The following SMC3 variants were observed in gnomAD, a reference collection of about 807,000 sequenced individuals.
SMC3 encodes the protein structural maintenance of chromosomes protein 3.
In SMC3, 20 loss-of-function variants were observed where a neutral mutation model predicts 171.8. That is an observed-to-expected ratio of 0.12 (90% CI 0.08 to 0.17). The LOEUF (loss-of-function observed/expected upper bound fraction) is 0.17. Among genes scored for constraint, SMC3 ranks in the 10% least tolerant of loss-of-function variants. SMC3 has a pLI of 1.00. For synonymous variants in SMC3, 464 were observed against 451.1 expected, an observed-to-expected ratio of 1.03 and a Z score of -0.36; for missense variants, 543 against 1,420.4, an observed-to-expected ratio of 0.38 and a Z score of 9.93.
Position 110,590,508 on chromosome 10 carries a change from G to A in SMC3, c.1606G>A (p.Val536Ile), listed in dbSNP as rs1396859037. Residue 536 changes from valine to isoleucine, a missense_variant, in exon 16 of 29, where the codon GTA becomes ATA. Val to Ile is a conservative substitution (Grantham distance 29). Coordinates refer to ENST00000361804, the MANE Select transcript of SMC3 (RefSeq NM_005445.4). ...TGTTCAAAATGGCTATCATGGTATT[G>A]TAATGAATAACTTTGAATGTGAACC... ...QHVQNGYHGIVMNNFECEPAF... is the reference protein window; with the variant it reads ...QHVQNGYHGIIMNNFECEPAF... The A allele has an allele frequency of 1.9e-6, 3 of 1,614,038 alleles. No individual in the cohort carries two copies. The highest frequency in any genetic ancestry group is 2.5e-6 in the Non-Finnish European group (3 of 1,179,886).
chr10:110,590,931 G>C, intron 16 of SMC3, 60 bp from the exon 17 acceptor site: 1 of 1,512,680 alleles, frequency 6.6e-7, no homozygotes, highest in Non-Finnish European at 9.2e-7. Flanking sequence ...TGATAAGTTT[G>C]GGCAACATAG....
At chr10:110,573,674 G>A in intron 2 of SMC3, 33 bp from the exon 3 acceptor site, 1 of 1,480,512 alleles carries the variant, frequency 6.8e-7, no homozygotes, top group Non-Finnish European at 9.4e-7. Flanking sequence ...TGGTTTTTAT[G>A]TAAAATAACT....
rs767493014 is a variant in SMC3 at position 110,580,859 on chromosome 10, A to T, written c.430-45A>T. ...TTCAACGTGGAGTTCTTCTTCTTAA[A>T]CGGAGGCTACAGCTATGTAATGATT... On this transcript the variant is annotated intron_variant, in intron 7 of 28. Coordinates refer to ENST00000361804, the MANE Select transcript of SMC3 (RefSeq NM_005445.4). The T allele has an allele frequency of 4.9e-6, 5 of 1,020,348 alleles. No individual in the cohort carries two copies. In the Admixed American group the frequency reaches 6.8e-5, roughly 14 times the overall value. 63.2% of individuals were successfully genotyped at this position (1,020,348 alleles called of 1,614,324 possible). A position where few individuals can be genotyped will look rare whatever the true frequency, so the allele number is the denominator to read the frequency against.
chr10:110,587,573 C>T (rs574202378), intron 13 of SMC3, among the ~76,000 whole-genome samples: 1 of 152,026 alleles, frequency 6.6e-6, no homozygotes, highest in African/African-American at 2.4e-5. Context: ...GTAGTGCCAG[C>T]TACTCGGGGG....
At position 110,587,640 on chromosome 10, in the gene SMC3, T is replaced by G. The variant is rs578149735; in HGVS notation, c.1306-1965T>G. ...GGCAGAGCTTGCAGTGAGCCAAGAT[T>G]GCACCACTGCACTCCAGCCTGGACG... On this transcript the variant is annotated intron_variant, in intron 13 of 28. Coordinates refer to ENST00000361804, the MANE Select transcript of SMC3 (RefSeq NM_005445.4). 1.5e-4 allele frequency among the ~76,000 whole-genome samples: 22 copies of G among 150,012 alleles called. No homozygotes were observed. In the South Asian group the frequency reaches 2.1e-3, roughly 14 times the overall value.
At chr10:110,576,524 A>G (rs528882387) in intron 4 of SMC3, among the ~76,000 whole-genome samples, 1 of 152,356 alleles carries the variant, frequency 6.6e-6, no homozygotes, top group Admixed American at 6.5e-5. Context: ...AAAGACTACA[A>G]TAAAACGATT....
At chr10:110,592,256 T>TC (rs1247610809) in intron 17 of SMC3, among the ~76,000 whole-genome samples, 1 of 92,212 alleles carries the variant, frequency 1.1e-5, no homozygotes, top group African/African-American at 3.4e-5. Flanking sequence ...AGAGCAAGAC[T>TC]CCATCTCAAA....
intron 25 of SMC3, 39 bp downstream of exon 25, chr10:110,602,217 A>G (rs1170460193): frequency 6.5e-7 from 1 of 1,531,734 alleles, no homozygotes; most frequent in South Asian, 1.1e-5. Context: ...CACACAGAGG[A>G]CAAAAGCTTC....
intron 26 of SMC3, 60 bp downstream of exon 26, chr10:110,602,725 CT>C (rs1861405734): frequency 3.8e-6 from 6 of 1,574,402 alleles, no homozygotes; most frequent in Middle Eastern, 1.7e-4. Flanking sequence ...TTTATAGTAT[CT>C]TTTGCAAATC....
rs1861452770 is a variant in SMC3 at position 110,605,358 on chromosome 10, ACAGT to A, written c.*1059_*1062del. Among the ~76,000 whole-genome samples the A allele has an allele frequency of 6.6e-6, 1 of 152,066 alleles. No individual in the cohort carries two copies. The highest frequency in any genetic ancestry group is 1.5e-5 in the Non-Finnish European group (1 of 68,006). Reference sequence around the variant, plus strand: ...AGATTCTTTGAGATTTTCTACATAGACAGTCATGTCATTTGCAAGAAAGAGGCAG... The same window carrying A: ...AGATTCTTTGAGATTTTCTACATAGACATGTCATTTGCAAGAAAGAGGCAG... On this transcript the variant is annotated 3_prime_UTR_variant, in exon 29 of 29. Transcript: ENST00000361804.
rs764918891 is a variant in SMC3, at chr10:110,584,270, G to A, written c.1179G>A (p.Lys393=). The A allele has an allele frequency of 5.6e-6, 9 of 1,614,052 alleles. No homozygotes were observed. The highest frequency in any genetic ancestry group is 8.5e-7 in the Non-Finnish European group (1 of 1,179,906). ...TTACATCAAAAGAAGAAAGGGATAA[G>A]TGGATTAAAAAGGAACTCAAGTCTT... is the stretch of plus-strand genomic sequence containing the variant. ...SQFTSKEERD[K]WIKKELKSLD... is the part of the protein sequence containing the mutation. Residue 393 remains lysine (K), a synonymous_variant, in exon 13 of 29, where the codon AAG becomes AAA. Coordinates refer to ENST00000361804, the MANE Select transcript of SMC3 (RefSeq NM_005445.4).
Position 110,602,066 on chromosome 10 carries a change from A to G in SMC3, c.2993A>G (p.Glu998Gly). ...DQFVNFSEQKEKLIKRQEELD... is the reference protein window; with the variant it reads ...DQFVNFSEQKGKLIKRQEELD... ...TTTGTAAATTTCTCCGAGCAGAAAG[A>G]AAAGTTAATAAAGCGTCAAGAAGAG... The change falls in exon 25 of 29, where the codon GAA (glutamate) becomes GGA (glycine). Residue 998 changes from glutamate to glycine, a missense_variant. Coordinates refer to ENST00000361804, the MANE Select transcript of SMC3 (RefSeq NM_005445.4). 6.2e-7 allele frequency: 1 copy of G among 1,613,976 alleles called. No individual in the cohort carries two copies.
rs1336937617 is a variant in SMC3 at position 110,600,556 on chromosome 10, T to TG, written c.2535+11dup. On this transcript the variant is annotated intron_variant, in intron 22 of 28. Transcript: ENST00000361804. ...GGACCAAGTAGAACAGGTGTGTATG[T>TG]GTTTTTTTTTTTTTTTTTAAGGGCT... 1.4e-6 allele frequency: 2 copies of TG among 1,393,828 alleles called. No individual in the cohort carries two copies. The highest frequency in any genetic ancestry group is 2.9e-5 in the African/African-American group (2 of 68,564). The allele number at this position is 1,393,828 out of a possible 1,614,324, so 86.3% of individuals were successfully genotyped here.
Position 110,590,655 on chromosome 10 carries a change from A to T in SMC3, c.1670+83A>T, listed in dbSNP as rs186810958. On this transcript the variant is annotated intron_variant, in intron 16 of 28. Coordinates refer to ENST00000361804, the MANE Select transcript of SMC3 (RefSeq NM_005445.4). ...ACAACTTTTGTAGTTTTTGTACAAC[A>T]TATCTTCCATTATCTTTTTATATCT... 82 of 1,161,292 alleles carry T rather than the reference A, an allele frequency of 7.1e-5. No homozygotes were observed. In the Admixed American group the frequency reaches 1.3e-3, roughly 18 times the overall value. The allele number at this position is 1,161,292 out of a possible 1,614,324, so 71.9% of individuals were successfully genotyped here.
At chr10:110,593,276 A>G (rs781777054) in intron 18 of SMC3, 53 bp downstream of exon 18, 47 of 1,578,496 alleles carry the variant, frequency 3.0e-5, no homozygotes, top group African/African-American at 4.0e-5. Flanking sequence ...CAAATCATTT[A>G]AAACATATAA....
In SMC3 at chr10:110,573,626, T is replaced by C. The variant is rs1174928604; in HGVS notation, c.92-81T>C. Reference sequence around the variant, plus strand: ...ATTAGAAAATTGGATTTTAAAAATATTGAGTATTTTTAAAAAGGTAAACAG... The same window carrying C: ...ATTAGAAAATTGGATTTTAAAAATACTGAGTATTTTTAAAAAGGTAAACAG... On this transcript the variant is annotated intron_variant, in intron 2 of 28. Coordinates refer to ENST00000361804, the MANE Select transcript of SMC3 (RefSeq NM_005445.4). 6 of 938,056 alleles carry C rather than the reference T, an allele frequency of 6.4e-6. No homozygotes were observed. In the East Asian group the frequency reaches 9.9e-5, roughly 15 times the overall value. The allele number at this position is 938,056 out of a possible 1,614,324, so 58.1% of individuals were successfully genotyped here. A position where few individuals can be genotyped will look rare whatever the true frequency, so the allele number is the denominator to read the frequency against.
chr10:110,586,401 A>G (rs1323978065), intron 13 of SMC3, among the ~76,000 whole-genome samples: 2 of 152,164 alleles, frequency 1.3e-5, no homozygotes, highest in Non-Finnish European at 2.9e-5. Flanking sequence ...AGTTCTTTAT[A>G]TGGTTAGTAT....
In SMC3 at chr10:110,590,585, G is replaced by C. The variant is rs369808167; in HGVS notation, c.1670+13G>C. 8.7e-6 allele frequency: 14 copies of C among 1,613,160 alleles called. No individual in the cohort carries two copies. Among genetic ancestry groups the C allele is most frequent in the Non-Finnish European group, 1.1e-5 (13 of 1,179,242 alleles). ...CTGCTGGAAACAGGTTAAAGCTTTTGCTTGATATTTAGCATTTTTAGAAGA... is the reference window on the plus strand; with the variant it reads ...CTGCTGGAAACAGGTTAAAGCTTTTCCTTGATATTTAGCATTTTTAGAAGA... On this transcript the variant is annotated intron_variant, in intron 16 of 28. Coordinates refer to ENST00000361804, the MANE Select transcript of SMC3 (RefSeq NM_005445.4).
intron 13 of SMC3, among the ~76,000 whole-genome samples, chr10:110,584,836 G>A (rs1038422886): frequency 7.2e-5 from 11 of 152,102 alleles, no homozygotes; most frequent in African/African-American, 2.7e-4. Flanking sequence ...TGTAGCCTAG[G>A]CTGGTCTCGA....
Sources: allele counts gnomAD v4.1 joint callset (sites outside exome capture counted in the v4.1 genomes callset), GRCh38; gene constraint gnomAD v4.1.1; transcripts MANE v1.5; gene names NCBI Gene and HGNC (gene_info 2026-07-23, HGNC 2026-07-21).